SAMD4A: variants seen among roughly 807,000 people sequenced by gnomAD.
The protein encoded by SAMD4A is sterile alpha motif domain containing 4A.
Under a neutral mutation model 81.3 loss-of-function variants are expected in SAMD4A, and 33 were observed. The observed-to-expected ratio is 0.41, with a 90% CI of 0.31 to 0.54. SAMD4A has a LOEUF of 0.54. Among genes scored for constraint, SAMD4A ranks in the 20% least tolerant of loss-of-function variants. The pLI, the probability that SAMD4A is intolerant of heterozygous loss-of-function variation, is 0.37. For synonymous variants in SAMD4A, 389 were observed against 382.1 expected, an observed-to-expected ratio of 1.02 and a Z score of -0.21; for missense variants, 854 against 951.1, an observed-to-expected ratio of 0.90 and a Z score of 1.34.
chr14:54,660,014 G>C (rs979685162), intron 2 of SAMD4A, among the ~76,000 whole-genome samples: 1 of 151,992 alleles, frequency 6.6e-6, no homozygotes, highest in African/African-American at 2.4e-5. Context: ...CCGGGAGGCG[G>C]AGGTTGCAGT....
chr14:54,592,368 T>C (rs1399309232), intron 2 of SAMD4A, among the ~76,000 whole-genome samples: 2 of 152,236 alleles, frequency 1.3e-5, no homozygotes, highest in African/African-American at 4.8e-5. Flanking sequence ...CTACACTTTC[T>C]TCTCCTCTTT....
intron 2 of SAMD4A, among the ~76,000 whole-genome samples, chr14:54,612,987 T>G (rs1409774545): frequency 6.6e-6 from 1 of 151,930 alleles, no homozygotes; most frequent in Non-Finnish European, 1.5e-5. Flanking sequence ...CATGGTGGCA[T>G]GCACCTGTAG....
intron 5 of SAMD4A, among the ~76,000 whole-genome samples, chr14:54,749,249 A>G (rs1403378309): frequency 2.0e-5 from 3 of 152,182 alleles, no homozygotes; most frequent in African/African-American, 7.2e-5. Context: ...GAGAAGTAAC[A>G]TTTGACCATG....
intron 4 of SAMD4A, among the ~76,000 whole-genome samples, chr14:54,741,736 G>A (rs141727231): frequency 2.6e-5 from 4 of 152,218 alleles, no homozygotes; most frequent in African/African-American, 9.7e-5. Flanking sequence ...CCTAGAGGAG[G>A]AGAGGCCTAG....
At chr14:54,583,045 G>A (rs1170764551) in intron 2 of SAMD4A, among the ~76,000 whole-genome samples, 1 of 152,188 alleles carries the variant, frequency 6.6e-6, no homozygotes, top group Non-Finnish European at 1.5e-5. Context: ...CTGGGTTCAA[G>A]TGATTCCCCT....
At position 54,760,387 on chromosome 14, in the gene SAMD4A, G is replaced by A; in HGVS notation, c.1403G>A (p.Ser468Asn). 3 of 1,510,740 alleles carry A rather than the reference G, an allele frequency of 2.0e-6. No homozygotes were observed. Among genetic ancestry groups the A allele is most frequent in the Non-Finnish European group, 1.8e-6 (2 of 1,141,426 alleles). The allele number at this position is 1,510,740 out of a possible 1,614,324, so 93.6% of individuals were successfully genotyped here. ...ACGGCCACCCCCTCGGCCGGGGCCA[G>A]CGGGGGGCTCCAGCCGCACCAGCTG... ...GATATPSAGA[S>N]GGLQPHQLSS... The change falls in exon 7 of 13, where the codon AGC becomes AAC. Residue 468 changes from serine (S) to asparagine (N), a missense_variant. By Grantham distance (46) the Ser-to-Asn change is conservative. Around this residue, in one of 3 missense-constraint regions of SAMD4A, gnomAD observed 428 missense variants for 471.2 expected, o/e 0.91. Transcript: ENST00000554335.
intron 2 of SAMD4A, among the ~76,000 whole-genome samples, chr14:54,578,199 C>T (rs2033361169): frequency 1.3e-5 from 2 of 152,200 alleles, no homozygotes; most frequent in African/African-American, 4.8e-5. Context: ...AACCACCCCA[C>T]ATGCCTCTCC....
intron 2 of SAMD4A, among the ~76,000 whole-genome samples, chr14:54,609,218 G>A (rs1472945431): frequency 6.6e-6 from 1 of 152,206 alleles, no homozygotes; most frequent in Non-Finnish European, 1.5e-5. Context: ...GTTGGAGGAG[G>A]AAGAGTCAAT....
intron 2 of SAMD4A, among the ~76,000 whole-genome samples, chr14:54,604,422 C>T (rs76776185): frequency 0.013 from 1,972 of 152,226 alleles, 33 homozygotes; most frequent in African/African-American, 0.04. Context: ...AAGGAAGAAC[C>T]AGGAGTGGTG....
chr14:54,708,154 C>G (rs1201978968), intron 3 of SAMD4A, among the ~76,000 whole-genome samples: 1 of 152,134 alleles, frequency 6.6e-6, no homozygotes. Context: ...AGGATGGCTA[C>G]AGTAGAAGGG....
chr14:54,634,495 G>T (rs1268832953), intron 2 of SAMD4A, among the ~76,000 whole-genome samples: 1 of 152,088 alleles, frequency 6.6e-6, no homozygotes, highest in Non-Finnish European at 1.5e-5. Context: ...AGGGATGGGG[G>T]TTGGTCATAA....
chr14:54,598,849 C>T (rs1238142785), intron 2 of SAMD4A, among the ~76,000 whole-genome samples: 1 of 151,864 alleles, frequency 6.6e-6, no homozygotes, highest in Non-Finnish European at 1.5e-5. Context: ...TGTACAGGGT[C>T]TCACTCTGTC....
intron 7 of SAMD4A, among the ~76,000 whole-genome samples, 181 bp from the exon 8 acceptor site, chr14:54,764,274 C>T (rs185095112): frequency 1.1e-4 from 17 of 152,322 alleles, no homozygotes; most frequent in Admixed American, 3.3e-4. Context: ...AGGGCTCCCA[C>T]GGTGACCCAG....
chr14:54,662,085 C>T (rs1338522853), intron 2 of SAMD4A, among the ~76,000 whole-genome samples: 1 of 152,190 alleles, frequency 6.6e-6, no homozygotes, highest in Non-Finnish European at 1.5e-5. Context: ...CACTCAGGGC[C>T]TTTTTACTGC....
intron 2 of SAMD4A, among the ~76,000 whole-genome samples, chr14:54,580,165 A>G (rs1241435364): frequency 6.6e-6 from 1 of 152,148 alleles, no homozygotes; most frequent in Non-Finnish European, 1.5e-5. Context: ...CTGGTGTTAG[A>G]TCCAGTCGCT....
chr14:54,608,326 CAT>C (rs550772299), intron 2 of SAMD4A, among the ~76,000 whole-genome samples: 221 of 152,302 alleles, frequency 1.5e-3, no homozygotes, highest in Non-Finnish European at 2.7e-3. Context: ...CTGTACAAAA[CAT>C]AGAAAATCTG....
intron 4 of SAMD4A, among the ~76,000 whole-genome samples, chr14:54,743,146 G>C (rs1037619770): frequency 2.6e-5 from 4 of 152,216 alleles, no homozygotes; most frequent in African/African-American, 7.2e-5. Flanking sequence ...ACAGAGGTCT[G>C]AGTGATGGAG....
chr14:54,570,057 T>C (rs1391448464), intron 2 of SAMD4A, among the ~76,000 whole-genome samples: 3 of 152,250 alleles, frequency 2.0e-5, no homozygotes, highest in Non-Finnish European at 4.4e-5. Flanking sequence ...CTGTTCATGC[T>C]GCTAAATGAT....
At chr14:54,716,685 C>T (rs1225497648) in intron 3 of SAMD4A, among the ~76,000 whole-genome samples, 1 of 152,108 alleles carries the variant, frequency 6.6e-6, no homozygotes, top group African/African-American at 2.4e-5. Flanking sequence ...GTATTGAAAA[C>T]AAATACTGAA....
Sources: allele counts gnomAD v4.1 joint callset (sites outside exome capture counted in the v4.1 genomes callset), GRCh38; gene constraint gnomAD v4.1.1; regional missense constraint gnomAD v4.1.1; transcripts MANE v1.5; gene names NCBI Gene and HGNC (gene_info 2026-07-23, HGNC 2026-07-21).